Variants in AFF3 observed in about 807,000 individuals in gnomAD.
AFF3 encodes AF4/FMR2 family member 3.
Under a neutral mutation model 129.7 loss-of-function variants are expected in AFF3, and 32 were observed. The observed-to-expected ratio is 0.25, with a 90% CI of 0.19 to 0.33. The LOEUF (loss-of-function observed/expected upper bound fraction) is 0.33, where lower values mean the gene tolerates loss of function less well. Among genes scored for constraint, AFF3 ranks in the 10% least tolerant of loss-of-function variants. The probability of loss-of-function intolerance (pLI) is 1.00; values close to 1 mark genes in which losing one functional copy is unlikely to be tolerated. For missense variants in AFF3, 1,373 were observed against 1,592.0 expected (o/e 0.86, Z 2.34); for synonymous variants, 644 against 635.4 (o/e 1.01, Z -0.20).
intron 10 of AFF3, among the ~76,000 whole-genome samples, chr2:99,741,955 G>T (rs1183205148): frequency 6.6e-6 from 1 of 152,192 alleles, no homozygotes; most frequent in African/African-American, 2.4e-5. Context: ...GGTGGGGTCA[G>T]TTCTCCTAAA....
intron 4 of AFF3, among the ~76,000 whole-genome samples, chr2:100,096,481 T>A (rs1486504154): frequency 2.0e-5 from 3 of 152,036 alleles, no homozygotes; most frequent in African/African-American, 4.8e-5. Context: ...TGTACTGTTA[T>A]TACACAAAGG....
In AFF3 at chr2:99,963,654, A is replaced by C. The variant is rs146050443; in HGVS notation, c.873+42978T>G. On this transcript the variant is annotated intron_variant, in intron 7 of 24. Transcript: ENST00000672756. ...AAAAAAAACCCCAAAAACAAAAATC[A>C]CTGAAAACAAATCAACACAGAACCA... 1.1e-4 allele frequency among the ~76,000 whole-genome samples: 17 copies of C among 152,172 alleles called. No individual in the cohort carries two copies. The East Asian group carries it at 3.3e-3, about 29-fold the overall frequency.
At chr2:99,990,242 T>G (rs1680221674) in intron 7 of AFF3, among the ~76,000 whole-genome samples, 1 of 152,228 alleles carries the variant, frequency 6.6e-6, no homozygotes, top group Non-Finnish European at 1.5e-5. Flanking sequence ...GTGACCAGTA[T>G]GAAGTCCTTA....
In AFF3 at chr2:99,621,288, G is replaced by A. The variant is rs117733293; in HGVS notation, c.1185-19667C>T. 2.8e-3 allele frequency among the ~76,000 whole-genome samples: 421 copies of A among 152,272 alleles called. 9 individuals are homozygous for A. In the East Asian group the frequency reaches 0.054, roughly 19 times the overall value. ...TGCCTGGGGTTTCCTCCCTAAATTC[G>A]CACACAGCATTGCTGTGTAACAGCT... On this transcript the variant is annotated intron_variant, in intron 13 of 24. Coordinates refer to ENST00000672756, the MANE Select transcript of AFF3 (RefSeq NM_001386135.1).
chr2:100,043,482 T>TG (rs1175482524), intron 4 of AFF3, among the ~76,000 whole-genome samples: 1 of 152,122 alleles, frequency 6.6e-6, no homozygotes, highest in Non-Finnish European at 1.5e-5. Flanking sequence ...CCATGCAAAA[T>TG]GAATTCCATA....
chr2:99,974,754 C>T (rs1415700224), intron 7 of AFF3, among the ~76,000 whole-genome samples: 1 of 152,188 alleles, frequency 6.6e-6, no homozygotes, highest in Non-Finnish European at 1.5e-5. Context: ...ATTTGTCATC[C>T]ATGGCAGAAA....
chr2:99,944,650 C>T (rs1168170715), intron 7 of AFF3, among the ~76,000 whole-genome samples: 5 of 151,998 alleles, frequency 3.3e-5, no homozygotes, highest in Non-Finnish European at 7.4e-5. Flanking sequence ...TTCCTTAGTA[C>T]TCACACACTA....
At chr2:99,628,723 A>ATT (rs3073407) in intron 13 of AFF3, among the ~76,000 whole-genome samples, 2 of 92,432 alleles carry the variant, frequency 2.2e-5, no homozygotes, top group Admixed American at 1.4e-4. Flanking sequence ...TGCTTGACTG[A>ATT]TTTTTTTTTT....
rs145600187 is a variant in AFF3, at chr2:99,894,053, A to T, written c.874-56529T>A. 1.9e-3 allele frequency among the ~76,000 whole-genome samples: 294 copies of T among 152,236 alleles called. 2 individuals carry two copies. Among genetic ancestry groups the T allele is most frequent in the African/African-American group, 6.6e-3 (275 of 41,530 alleles). On this transcript the variant is annotated intron_variant, in intron 7 of 24. Transcript: ENST00000672756. The stretch of plus-strand genomic sequence containing the variant: ...AATTTCTTTTTTTGTGCAAAATCAG[A>T]CCTTTGCAATGACCTTGAGTAGTAG...
chr2:99,716,604 T>C (rs1265720475), intron 11 of AFF3, among the ~76,000 whole-genome samples: 1 of 150,490 alleles, frequency 6.6e-6, no homozygotes, highest in Non-Finnish European at 1.5e-5. Context: ...ATATATAGGC[T>C]GGGTGTGGTG....
chr2:99,962,663 G>C (rs1364541974), intron 7 of AFF3, among the ~76,000 whole-genome samples: 1 of 151,738 alleles, frequency 6.6e-6, no homozygotes, highest in Non-Finnish European at 1.5e-5. Context: ...GATGACAGAG[G>C]ACAGAATCAG....
chr2:100,014,954 ATTTTTTT>A (rs562822524), intron 4 of AFF3, among the ~76,000 whole-genome samples: 6,344 of 121,592 alleles, frequency 0.052, 412 homozygotes, highest in African/African-American at 0.17. Flanking sequence ...CAGCCAGCTA[ATTTTTTT>A]TTTTTTTTTT....
At chr2:99,934,992 C>A (rs1674390534) in intron 7 of AFF3, among the ~76,000 whole-genome samples, 1 of 152,208 alleles carries the variant, frequency 6.6e-6, no homozygotes, top group East Asian at 1.9e-4. Context: ...CTACATTTGA[C>A]TGTCATGTAT....
At chr2:99,608,182 A>G (rs1411632286) in intron 13 of AFF3, among the ~76,000 whole-genome samples, 2 of 152,200 alleles carry the variant, frequency 1.3e-5, no homozygotes, top group African/African-American at 4.8e-5. Flanking sequence ...GTCTGTTTCC[A>G]GCAGGGTGCC....
chr2:99,587,216 T>G lies in AFF3; in HGVS notation c.2529A>C (p.Ser843=). The G allele has an allele frequency of 1.2e-6, 2 of 1,614,214 alleles. No individual in the cohort carries two copies. The highest frequency in any genetic ancestry group is 1.7e-6 in the Non-Finnish European group (2 of 1,180,030). Residue 843 remains serine (S), a synonymous_variant, in exon 16 of 25, where the codon TCA becomes TCC. Transcript: ENST00000672756. ...KKSQGEKDSS[S]RLATSTSNTL... is the part of the protein sequence containing the mutation. ...TATTACTGGTGGAGGTGGCCAGTCT[T>G]GAAGAGCTGTCTTTCTCTCCCTGGG... is the stretch of plus-strand genomic sequence containing the variant.
intron 9 of AFF3, among the ~76,000 whole-genome samples, chr2:99,748,668 C>A (rs1356393022): frequency 1.3e-5 from 2 of 152,136 alleles, no homozygotes; most frequent in Non-Finnish European, 2.9e-5. Flanking sequence ...ACCTTCTTGA[C>A]TCTAATGTTT....
At chr2:99,878,041 T>C (rs1692426522) in intron 7 of AFF3, among the ~76,000 whole-genome samples, 1 of 152,142 alleles carries the variant, frequency 6.6e-6, no homozygotes, top group South Asian at 2.1e-4. Flanking sequence ...CTTACCTTGA[T>C]TAGTAATCAT....
intron 12 of AFF3, among the ~76,000 whole-genome samples, chr2:99,671,531 CTTTTA>C (rs1195773110): frequency 6.6e-5 from 10 of 151,474 alleles, no homozygotes; most frequent in Non-Finnish European, 1.5e-4. Flanking sequence ...TCTCCTTTGA[CTTTTA>C]TTTAACCTCT....
intron 7 of AFF3, among the ~76,000 whole-genome samples, chr2:99,857,609 T>C (rs17023232): frequency 0.16 from 24,245 of 152,172 alleles, 2,107 homozygotes; most frequent in Admixed American, 0.24. Flanking sequence ...GAATGTAACA[T>C]TGGAGCTCAT....
Sources: allele counts gnomAD v4.1 joint callset (sites outside exome capture counted in the v4.1 genomes callset), GRCh38; gene constraint gnomAD v4.1.1; transcripts MANE v1.5; gene names NCBI Gene and HGNC (gene_info 2026-07-23, HGNC 2026-07-21).